FAM217B: variants seen among roughly 807,000 people sequenced by gnomAD.
The protein encoded by FAM217B is protein FAM217B.
For missense variants in FAM217B, 463 were observed against 456.9 expected, an observed-to-expected ratio of 1.01 and a Z score of -0.12; for synonymous variants, 163 against 173.0, an observed-to-expected ratio of 0.94 and a Z score of 0.45.
intron 1 of FAM217B, among the ~76,000 whole-genome samples, chr20:59,935,061 A>G (rs1336982304): frequency 6.6e-6 from 1 of 152,262 alleles, no homozygotes; most frequent in Non-Finnish European, 1.5e-5. Flanking sequence ...TATATGTTCA[A>G]AGCTTTCAAT....
chr20:59,939,036 A>T (rs1042394154), upstream of FAM217B: 3 of 1,526,598 alleles, frequency 2.0e-6, no homozygotes. Context: ...CGCGGCTCAG[A>T]TGAAGTGGAT....
chr20:59,939,281 G>A (rs369690383), upstream of FAM217B: 29 of 1,611,494 alleles, frequency 1.8e-5, no homozygotes, highest in African/African-American at 2.8e-4. Flanking sequence ...CCACCGCCTC[G>A]TGGGTACTGC....
At chr20:59,938,712 G>C (rs1199414672), upstream of FAM217B, 3 of 256,600 alleles carry the variant, frequency 1.2e-5, no homozygotes, top group African/African-American at 6.6e-5. Context: ...CCTAGCAGGA[G>C]GACTTGGGCC....
At chr20:59,935,288 G>A (rs892625628) in intron 1 of FAM217B, among the ~76,000 whole-genome samples, 1 of 151,996 alleles carries the variant, frequency 6.6e-6, no homozygotes, top group South Asian at 2.1e-4. Context: ...TTACCTTGCC[G>A]CTTTTTAGTT....
In FAM217B at chr20:59,945,732, G is replaced by GT. The variant is rs971803662; in HGVS notation, c.*647dup. The GT allele has an allele frequency of 8.8e-4, 143 of 162,362 alleles. No individual in the cohort carries two copies. The highest frequency in any genetic ancestry group is 1.8e-3 in the African/African-American group (75 of 40,722). 10.1% of individuals were successfully genotyped at this position (162,362 alleles called of 1,614,324 possible). A position where few individuals can be genotyped will look rare whatever the true frequency, so the allele number is the denominator to read the frequency against. On this transcript the variant is annotated 3_prime_UTR_variant, in exon 4 of 4. Coordinates refer to ENST00000360816, the MANE Select transcript of FAM217B (RefSeq NM_022106.3). ...ACTTTAATACATTTTCTCTGACATG[G>GT]TTTTTTTTTTCTTTTTTGAGGGGCA...
At chr20:59,936,162 A>C (rs2060860992), upstream of FAM217B, among the ~76,000 whole-genome samples, 1 of 152,210 alleles carries the variant, frequency 6.6e-6, no homozygotes, top group Non-Finnish European at 1.5e-5. Flanking sequence ...CTGTAACACA[A>C]GGGTATTTGT....
chr20:59,941,110 T>C (rs1369929153), intron 1 of FAM217B, among the ~76,000 whole-genome samples: 1 of 152,218 alleles, frequency 6.6e-6, no homozygotes, highest in Non-Finnish European at 1.5e-5. Context: ...TTCGTGTCTC[T>C]CACCCGGTAG....
intron 3 of FAM217B, among the ~76,000 whole-genome samples, chr20:59,942,783 G>A (rs1938356606): frequency 6.6e-6 from 1 of 152,102 alleles, no homozygotes; most frequent in Non-Finnish European, 1.5e-5. Flanking sequence ...TTATATAAAA[G>A]GATAGTGACA....
chr20:59,940,032 T>G, upstream of FAM217B: 1 of 1,028,418 alleles, frequency 9.7e-7, no homozygotes, highest in Middle Eastern at 3.6e-4. Flanking sequence ...GTCCACCGTA[T>G]CTGCAACCTG....
chr20:59,944,598 A>C lies in FAM217B; in HGVS notation c.655A>C (p.Lys219Gln). ...PTAPGTSGAL[K>Q]SPGRSKLIAS... ...TGCCCCTGGGACCTCAGGGGCACTG[A>C]AAAGCCCTGGGAGAAGTAAGCTAAT... The change falls in exon 4 of 4, where the codon AAA (lysine) becomes CAA (glutamine). Residue 219 changes from lysine to glutamine, a missense_variant. Lys to Gln is a moderately conservative substitution (Grantham distance 53, BLOSUM62 1). Coordinates refer to ENST00000360816, the MANE Select transcript of FAM217B (RefSeq NM_022106.3). The C allele has an allele frequency of 6.2e-7, 1 of 1,614,036 alleles. No individual in the cohort carries two copies.
At position 59,945,348 on chromosome 20, in the gene FAM217B, G is replaced by A. The variant is rs2060931114; in HGVS notation, c.*253G>A. 1 of 374,664 alleles carries A rather than the reference G, an allele frequency of 2.7e-6. No individual in the cohort carries two copies. Among genetic ancestry groups the A allele is most frequent in the African/African-American group, 2.1e-5 (1 of 47,340 alleles). The allele number at this position is 374,664 out of a possible 1,614,324, so 23.2% of individuals were successfully genotyped here. A position where few individuals can be genotyped will look rare whatever the true frequency, so the allele number is the denominator to read the frequency against. ...TTTAGATAAAAATTATGTAAAATAT[G>A]TGCCATATAAAGGAATAAAATGGCA... is the stretch of plus-strand genomic sequence containing the variant. On this transcript the variant is annotated 3_prime_UTR_variant, in exon 4 of 4. Transcript: ENST00000360816.
At chr20:59,939,933 GC>G (rs1239355828), upstream of FAM217B, 1 of 1,262,976 alleles carries the variant, frequency 7.9e-7, no homozygotes, top group Non-Finnish European at 1.0e-6. Flanking sequence ...TCTGGACATG[GC>G]CCCGCCGGCC....
intron 1 of FAM217B, among the ~76,000 whole-genome samples, chr20:59,940,853 A>G (rs1371135984): frequency 6.6e-6 from 1 of 152,176 alleles, no homozygotes; most frequent in Non-Finnish European, 1.5e-5. Context: ...AATGGCCAGC[A>G]GATTCCCTTG....
chr20:59,942,107 A>C (rs975997631), intron 1 of FAM217B, 91 bp from the exon 2 acceptor site: 1 of 152,614 alleles, frequency 6.6e-6, no homozygotes, highest in African/African-American at 2.4e-5. Flanking sequence ...AATATTATAC[A>C]AGTATTAAAA....
upstream of FAM217B, chr20:59,939,164 C>A (rs770112854): frequency 6.2e-7 from 1 of 1,611,360 alleles, no homozygotes; most frequent in Non-Finnish European, 8.5e-7. Context: ...GGTAGCGCAC[C>A]GCGAAGTGCA....
At chr20:59,939,064 C>A (rs756127577), upstream of FAM217B, 1 of 1,563,626 alleles carries the variant, frequency 6.4e-7, no homozygotes, top group East Asian at 2.3e-5. Flanking sequence ...TCTTCGCACT[C>A]CCCGCGAGGC....
upstream of FAM217B, chr20:59,940,081 T>A: frequency 3.7e-6 from 2 of 542,306 alleles, no homozygotes; most frequent in Non-Finnish European, 5.8e-6. Flanking sequence ...TACCCTTGGT[T>A]CGCCACCTTG....
Position 59,944,438 on chromosome 20 carries a change from G to T in FAM217B, c.495G>T (p.Glu165Asp), listed in dbSNP as rs535644826. The T allele has an allele frequency of 1.1e-4, 174 of 1,613,960 alleles. No individual in the cohort carries two copies. The Middle Eastern group carries it at 3.6e-3, about 34-fold the overall frequency. Reference protein sequence around the residue: ...LRDMALLLNAENKTEAVPRVG... With the variant: ...LRDMALLLNADNKTEAVPRVG... The stretch of plus-strand genomic sequence containing the variant: ...ATATGGCCCTGCTTCTGAACGCAGA[G>T]AACAAAACGGAAGCCGTGCCCCGAG... Residue 165 changes from glutamate to aspartate, a missense_variant, in exon 4 of 4, where the codon GAG becomes GAT. Coordinates refer to ENST00000360816, the MANE Select transcript of FAM217B (RefSeq NM_022106.3).
chr20:59,934,157 C>T (rs2060836509), intron 1 of FAM217B, among the ~76,000 whole-genome samples: 1 of 152,148 alleles, frequency 6.6e-6, no homozygotes, highest in South Asian at 2.1e-4. Context: ...CTGGGTGAGG[C>T]CTGGCTCCTG....
Sources: allele counts gnomAD v4.1 joint callset (sites outside exome capture counted in the v4.1 genomes callset), GRCh38; gene constraint gnomAD v4.1.1; transcripts MANE v1.5; gene names NCBI Gene and HGNC (gene_info 2026-07-23, HGNC 2026-07-21).